TBL1XR1: variants seen among roughly 807,000 people sequenced by gnomAD.
TBL1XR1 encodes F-box-like/WD repeat-containing protein TBL1XR1.
A neutral mutation model predicts 66.9 loss-of-function variants in TBL1XR1; 5 were observed. The ratio of observed to expected loss-of-function variants is 0.07; its 90% CI spans 0.04 to 0.16. TBL1XR1 has a LOEUF of 0.16. Among genes scored for constraint, TBL1XR1 ranks in the 10% least tolerant of loss-of-function variants. TBL1XR1 has a pLI of 1.00. For synonymous variants in TBL1XR1, 210 were observed against 206.0 expected (o/e 1.02, Z -0.17); for missense variants, 238 against 623.2 (o/e 0.38, Z 6.58).
At chr3:177,141,898 A>G (rs933887647) in intron 1 of TBL1XR1, among the ~76,000 whole-genome samples, 1 of 152,252 alleles carries the variant, frequency 6.6e-6, no homozygotes, top group Admixed American at 6.5e-5. Flanking sequence ...CACATGCTAC[A>G]ACATAGATGA....
At chr3:177,056,073 A>G (rs1453560394) in intron 3 of TBL1XR1, among the ~76,000 whole-genome samples, 1 of 152,156 alleles carries the variant, frequency 6.6e-6, no homozygotes, top group Non-Finnish European at 1.5e-5. Context: ...GTAAAAGACT[A>G]CATCACTGTT....
intron 1 of TBL1XR1, among the ~76,000 whole-genome samples, chr3:177,122,419 T>A (rs1028430746): frequency 6.6e-6 from 1 of 152,072 alleles, no homozygotes; most frequent in African/African-American, 2.4e-5. Context: ...AAGTTCAGCA[T>A]GTACCCTGAA....
chr3:177,080,454 TTAGAG>T (rs917539480), intron 2 of TBL1XR1, among the ~76,000 whole-genome samples: 4 of 152,084 alleles, frequency 2.6e-5, no homozygotes, highest in African/African-American at 7.2e-5. Flanking sequence ...AGAAAAATGA[TTAGAG>T]TAAATTAAAC....
intron 1 of TBL1XR1, among the ~76,000 whole-genome samples, chr3:177,135,377 A>ATATATG (rs202124235): frequency 4.6e-4 from 14 of 30,176 alleles, no homozygotes; most frequent in Non-Finnish European, 5.4e-4. Flanking sequence ...ATATATATAT[A>ATATATG]TATATGTATG....
At chr3:177,038,545 ATTTTACT>A in intron 10 of TBL1XR1, 111 bp from the exon 11 acceptor site, 1 of 1,032,174 alleles carries the variant, frequency 9.7e-7, no homozygotes, top group East Asian at 2.8e-5. Flanking sequence ...GCACTTAAAC[ATTTTACT>A]TTATACTTTT....
intron 4 of TBL1XR1, among the ~76,000 whole-genome samples, chr3:177,052,127 T>TC (rs2108498804): frequency 6.6e-6 from 1 of 152,358 alleles, no homozygotes; most frequent in East Asian, 1.9e-4. Flanking sequence ...AATACATCTT[T>TC]TAAAAAACTA....
intron 1 of TBL1XR1, among the ~76,000 whole-genome samples, chr3:177,134,313 C>A (rs1218921936): frequency 3.9e-5 from 6 of 152,066 alleles, no homozygotes; most frequent in Non-Finnish European, 5.9e-5. Flanking sequence ...GAGGTCACCA[C>A]AAGTCACATA....
intron 2 of TBL1XR1, among the ~76,000 whole-genome samples, chr3:177,075,494 T>C (rs1720590230): frequency 6.6e-6 from 1 of 152,266 alleles, no homozygotes; most frequent in African/African-American, 2.4e-5. Flanking sequence ...TAATATCTTC[T>C]AGCTTTCAAA....
Position 177,069,773 on chromosome 3 carries a change from G to GAAAGGAAGGA in TBL1XR1, c.-45-4761_-45-4752dup, listed in dbSNP as rs1387599923. On this transcript the variant is annotated intron_variant, in intron 2 of 15. Transcript: ENST00000457928. ...AAGAAAGGAAAGGAAAGAAAGGAAGGAAAGGAAGGAAAAGGAAGGAAAGGA... is the reference window on the plus strand; with the variant it reads ...AAGAAAGGAAAGGAAAGAAAGGAAGGAAAGGAAGGAAAAGGAAGGAAAAGGAAGGAAAGGA... 2.4e-3 allele frequency among the ~76,000 whole-genome samples: 238 copies of GAAAGGAAGGA among 97,608 alleles called. 3 individuals carry two copies. Among genetic ancestry groups the GAAAGGAAGGA allele is most frequent in the African/African-American group, 9.8e-3 (215 of 21,910 alleles). 64.0% of individuals were successfully genotyped at this position (97,608 alleles called of 152,430 possible).
chr3:177,069,801 G>GAAAGGAAGGA (rs11384858), intron 2 of TBL1XR1, among the ~76,000 whole-genome samples: 8 of 69,072 alleles, frequency 1.2e-4, no homozygotes, highest in African/African-American at 3.3e-4. Context: ...GGAAAGGAAG[G>GAAAGGAAGGA]AAGGAAGGAA....
At chr3:177,149,525 C>A (rs758406877) in intron 1 of TBL1XR1, among the ~76,000 whole-genome samples, 54 of 152,184 alleles carry the variant, frequency 3.5e-4, no homozygotes, top group South Asian at 8.3e-4. Flanking sequence ...GATTTTAAAG[C>A]TTTTTAACTA....
chr3:177,112,849 A>AAAAATTAGTCG (rs1725821898), intron 1 of TBL1XR1, among the ~76,000 whole-genome samples: 1 of 152,060 alleles, frequency 6.6e-6, no homozygotes, highest in Non-Finnish European at 1.5e-5. Context: ...CTAAAAATAC[A>AAAAATTAGTCG]AAAATTAGTC....
chr3:177,172,047 G>C (rs1294856607), intron 1 of TBL1XR1, among the ~76,000 whole-genome samples: 1 of 150,994 alleles, frequency 6.6e-6, no homozygotes, highest in Non-Finnish European at 1.5e-5. Context: ...AGGCGGATAG[G>C]TCAGGAGATT....
chr3:177,153,737 C>T (rs571064587), intron 1 of TBL1XR1, among the ~76,000 whole-genome samples: 1 of 151,756 alleles, frequency 6.6e-6, no homozygotes, highest in African/African-American at 2.4e-5. Flanking sequence ...ATTAGCTGGG[C>T]GTGGTGGCAC....
rs548783302 is a variant in TBL1XR1, at chr3:177,190,133, C to CAAAAAAAAA, written c.-122+6979_-122+6987dup. 1.9e-4 allele frequency among the ~76,000 whole-genome samples: 13 copies of CAAAAAAAAA among 69,410 alleles called. 1 individual carries two copies. The highest frequency in any genetic ancestry group is 6.3e-4 in the East Asian group (1 of 1,584). 45.5% of individuals were successfully genotyped at this position (69,410 alleles called of 152,430 possible). On this transcript the variant is annotated intron_variant, in intron 1 of 15. Coordinates refer to ENST00000457928, the MANE Select transcript of TBL1XR1 (RefSeq NM_024665.7). ...GGGCAACAAGAGTGAAACTCCATCT[C>CAAAAAAAAA]AAAAAAAAAAAAAAAAAAAAAAAAA... is the stretch of plus-strand genomic sequence containing the variant.
chr3:177,039,711 T>A (rs1172990328), intron 10 of TBL1XR1, among the ~76,000 whole-genome samples: 2 of 152,198 alleles, frequency 1.3e-5, no homozygotes, highest in Non-Finnish European at 1.5e-5. Flanking sequence ...AAAGACTGCA[T>A]TTAAAGCAGG....
chr3:177,145,823 G>A (rs2862646), intron 1 of TBL1XR1, among the ~76,000 whole-genome samples: 200 of 152,314 alleles, frequency 1.3e-3, no homozygotes, highest in Admixed American at 2.3e-3. Context: ...TGAACATATA[G>A]TTGCAAAGGG....
In TBL1XR1 at chr3:177,083,955, G is replaced by C. The variant is rs184316741; in HGVS notation, c.-46+14511C>G. 5.3e-5 allele frequency among the ~76,000 whole-genome samples: 8 copies of C among 151,856 alleles called. No homozygotes were observed. In the South Asian group the frequency reaches 1.7e-3, roughly 32 times the overall value. On this transcript the variant is annotated intron_variant, in intron 2 of 15. Coordinates refer to ENST00000457928, the MANE Select transcript of TBL1XR1 (RefSeq NM_024665.7). ...ATACAAAAATTAGCTGGGCGTGGTGGCGGGCACCTGTAATCCCGGCTACTT... is the reference window on the plus strand; with the variant it reads ...ATACAAAAATTAGCTGGGCGTGGTGCCGGGCACCTGTAATCCCGGCTACTT...
At chr3:177,128,861 T>C (rs904668682) in intron 1 of TBL1XR1, among the ~76,000 whole-genome samples, 41 of 152,226 alleles carry the variant, frequency 2.7e-4, no homozygotes, top group African/African-American at 8.9e-4. Context: ...ACACTTCCTA[T>C]GAGGCCATCG....
Sources: gnomAD v4.1 joint callset for allele counts (sites outside exome capture counted in the v4.1 genomes callset) on GRCh38, gnomAD v4.1.1 for gene constraint, MANE v1.5 for transcripts, NCBI Gene and HGNC (gene_info 2026-07-23, HGNC 2026-07-21) for gene names.